The following ZNF618 variants were observed in gnomAD, a reference collection of about 807,000 sequenced individuals.
ZNF618 encodes neural precursor cell expressed, developmentally down-regulated 10.
Under a neutral mutation model 103.0 loss-of-function variants are expected in ZNF618, and 34 were observed. The ratio of observed to expected loss-of-function variants is 0.33; its 90% CI spans 0.25 to 0.44. The LOEUF (loss-of-function observed/expected upper bound fraction) is 0.44. ZNF618 is among the 20% of genes least tolerant of loss of function. The pLI, the probability that ZNF618 is intolerant of heterozygous loss-of-function variation, is 1.00. For missense variants in ZNF618, 1,059 were observed against 1,295.4 expected (o/e 0.82, Z 2.80); for synonymous variants, 551 against 542.2 (o/e 1.02, Z -0.23).
Position 114,028,694 on chromosome 9 carries a change from T to G in ZNF618, c.845-39T>G. The stretch of plus-strand genomic sequence containing the variant: ...CCGAGAGGCCACTCACTCTGCCGGC[T>G]GGGAGGGCCCTCGGGGACTGAGAGC... On this transcript the variant is annotated intron_variant, in intron 10 of 14. Transcript: ENST00000374126. The G allele has an allele frequency of 1.3e-6, 2 of 1,531,776 alleles. 1 individual carries two copies. 94.9% of individuals were successfully genotyped at this position (1,531,776 alleles called of 1,614,324 possible). A position where few individuals can be genotyped will look rare whatever the true frequency, so the allele number is the denominator to read the frequency against.
intron 3 of ZNF618, among the ~76,000 whole-genome samples, chr9:113,996,312 A>C (rs1309332587): frequency 1.3e-5 from 2 of 152,164 alleles, no homozygotes; most frequent in Admixed American, 6.5e-5. Flanking sequence ...GGGACTGTCC[A>C]TTGTAAGGAA....
chr9:113,972,877 G>A (rs777058166), intron 2 of ZNF618, among the ~76,000 whole-genome samples: 7 of 152,234 alleles, frequency 4.6e-5, no homozygotes, highest in Non-Finnish European at 8.8e-5. Context: ...GACCAGCCTG[G>A]CCAACATGGC....
At chr9:113,978,474 AG>A (rs1838690782) in intron 2 of ZNF618, among the ~76,000 whole-genome samples, 1 of 152,234 alleles carries the variant, frequency 6.6e-6, no homozygotes, top group Non-Finnish European at 1.5e-5. Context: ...TCTGTGGAAG[AG>A]GTGGGACCCT....
intron 1 of ZNF618, among the ~76,000 whole-genome samples, chr9:113,888,056 A>AT (rs1282255674): frequency 6.6e-6 from 1 of 151,912 alleles, no homozygotes; most frequent in African/African-American, 2.4e-5. Flanking sequence ...TTTTTTAAAT[A>AT]TGAGAGAGTG....
chr9:114,021,575 A>T (rs1843067134), intron 10 of ZNF618, among the ~76,000 whole-genome samples: 1 of 152,070 alleles, frequency 6.6e-6, no homozygotes, highest in Non-Finnish European at 1.5e-5. Flanking sequence ...TTAAATATTG[A>T]TTGAAGTATA....
chr9:113,904,994 G>C (rs144390430), intron 1 of ZNF618, among the ~76,000 whole-genome samples: 1 of 152,132 alleles, frequency 6.6e-6, no homozygotes, highest in Non-Finnish European at 1.5e-5. Flanking sequence ...GGATTAGGAC[G>C]CACATGTCTT....
intron 1 of ZNF618, among the ~76,000 whole-genome samples, chr9:113,907,012 C>T (rs201193133): frequency 1.3e-5 from 2 of 152,214 alleles, no homozygotes; most frequent in East Asian, 1.9e-4. Flanking sequence ...TTATTTTTCA[C>T]CCCCAGTGGA....
chr9:113,880,277 T>G (rs1476527284), intron 1 of ZNF618, among the ~76,000 whole-genome samples: 1 of 152,150 alleles, frequency 6.6e-6, no homozygotes, highest in African/African-American at 2.4e-5. Flanking sequence ...TAAAATGAAG[T>G]GGCTCTTTTC....
At chr9:113,962,687 C>A (rs940744061) in intron 1 of ZNF618, among the ~76,000 whole-genome samples, 9 of 152,162 alleles carry the variant, frequency 5.9e-5, no homozygotes, top group African/African-American at 2.2e-4. Context: ...ACTCTCTCAC[C>A]CTCTTACAGT....
At chr9:114,046,062 T>C (rs1167992578) in intron 13 of ZNF618, among the ~76,000 whole-genome samples, 1 of 152,280 alleles carries the variant, frequency 6.6e-6, no homozygotes, top group East Asian at 1.9e-4. Flanking sequence ...TTTTATATAT[T>C]GATCTTGTAT....
chr9:113,988,979 T>TA, intron 3 of ZNF618, among the ~76,000 whole-genome samples: 1 of 152,190 alleles, frequency 6.6e-6, no homozygotes, highest in Non-Finnish European at 1.5e-5. Flanking sequence ...CTCAGAGCAG[T>TA]ACCCCATCAG....
rs553922670 is a variant in ZNF618, at chr9:114,036,201, T to A, written c.1169-99T>A. The A allele has an allele frequency of 1.0e-4, 109 of 1,077,694 alleles. No individual in the cohort carries two copies. The Middle Eastern group carries it at 2.5e-3, about 25-fold the overall frequency. The allele number at this position is 1,077,694 out of a possible 1,614,324, so 66.8% of individuals were successfully genotyped here. A position where few individuals can be genotyped will look rare whatever the true frequency, so the allele number is the denominator to read the frequency against. On this transcript the variant is annotated intron_variant, in intron 12 of 14. Coordinates refer to ENST00000374126, the MANE Select transcript of ZNF618 (RefSeq NM_001318042.2). Reference sequence around the variant, plus strand: ...CGGAGCCCTGAGCACAGAGACCCGGTGTGTGTTTGGGTTCCCACTTGCAAA... The same window carrying A: ...CGGAGCCCTGAGCACAGAGACCCGGAGTGTGTTTGGGTTCCCACTTGCAAA...
chr9:114,008,205 C>T lies in ZNF618; in HGVS notation c.641-139C>T, dbSNP rs185549445. ...TTTTGGGGGGCTTCCACAGTGGCCA[C>T]GGCAGCCCTCCTGGGCCCCAAGGCA... On this transcript the variant is annotated intron_variant, in intron 7 of 14. Transcript: ENST00000374126. 26 of 1,183,414 alleles carry T rather than the reference C, an allele frequency of 2.2e-5. No individual in the cohort carries two copies. In the East Asian group the frequency reaches 4.8e-4, roughly 22 times the overall value. 73.3% of individuals were successfully genotyped at this position (1,183,414 alleles called of 1,614,324 possible). A position where few individuals can be genotyped will look rare whatever the true frequency, so the allele number is the denominator to read the frequency against.
At position 114,037,885 on chromosome 9, in the gene ZNF618, C is replaced by T. The variant is rs376630428; in HGVS notation, c.1246+1508C>T. On this transcript the variant is annotated intron_variant, in intron 13 of 14. Coordinates refer to ENST00000374126, the MANE Select transcript of ZNF618 (RefSeq NM_001318042.2). ...CAGAGCTCTGGAGTGGCAGCCAAGG[C>T]ACTTGCCTCGGAGACCTGCTCTAAC... 5.4e-3 allele frequency among the ~76,000 whole-genome samples: 829 copies of T among 152,302 alleles called. 7 individuals are homozygous for T. The highest frequency in any genetic ancestry group is 0.026 in the South Asian group (127 of 4,818).
intron 1 of ZNF618, among the ~76,000 whole-genome samples, chr9:113,893,193 G>A (rs1177965473): frequency 6.6e-6 from 1 of 152,218 alleles, no homozygotes; most frequent in Non-Finnish European, 1.5e-5. Context: ...GCTGTAGGAA[G>A]TAGCAGAGCA....
intron 1 of ZNF618, among the ~76,000 whole-genome samples, chr9:113,894,250 T>A (rs796348700): frequency 6.6e-6 from 1 of 152,082 alleles, no homozygotes; most frequent in East Asian, 1.9e-4. Context: ...ATTTGGAGGA[T>A]GATTCTTCAT....
At chr9:113,929,573 G>C (rs1223439471) in intron 1 of ZNF618, among the ~76,000 whole-genome samples, 1 of 152,138 alleles carries the variant, frequency 6.6e-6, no homozygotes, top group East Asian at 1.9e-4. Context: ...TGGGAGACAG[G>C]GATACAGTAA....
intron 2 of ZNF618, among the ~76,000 whole-genome samples, chr9:113,987,431 G>A (rs933048244): frequency 2.6e-5 from 4 of 152,150 alleles, no homozygotes; most frequent in East Asian, 1.9e-4. Context: ...TCATTACCTC[G>A]AGGATGTTTT....
intron 2 of ZNF618, among the ~76,000 whole-genome samples, chr9:113,977,237 C>T (rs556066432): frequency 5.3e-5 from 8 of 152,200 alleles, no homozygotes; most frequent in East Asian, 1.9e-4. Flanking sequence ...CAGCTGGCGA[C>T]GTGGGCAGGA....
Sources: allele counts gnomAD v4.1 joint callset (sites outside exome capture counted in the v4.1 genomes callset), GRCh38; gene constraint gnomAD v4.1.1; transcripts MANE v1.5; gene names NCBI Gene and HGNC (gene_info 2026-07-23, HGNC 2026-07-21).